PDS5B: variants seen among roughly 807,000 people sequenced by gnomAD.
PDS5B encodes the protein PDS5 cohesin associated factor B.
A neutral mutation model predicts 184.1 loss-of-function variants in PDS5B; 51 were observed. The ratio of observed to expected loss-of-function variants is 0.28; its 90% confidence interval spans 0.22 to 0.35. The LOEUF (loss-of-function observed/expected upper bound fraction) is 0.35, where lower values mean the gene tolerates loss of function less well. Among genes scored for constraint, PDS5B ranks in the 10% least tolerant of loss-of-function variants. The pLI, the probability that PDS5B is intolerant of heterozygous loss-of-function variation, is 1.00. For missense variants in PDS5B, 1,180 were observed against 1,723.3 expected (o/e 0.68, Z 5.58); for synonymous variants, 566 against 569.2 (o/e 0.99, Z 0.08).
At chr13:32,747,619 C>T (rs1953802588) in intron 24 of PDS5B, among the ~76,000 whole-genome samples, 1 of 151,696 alleles carries the variant, frequency 6.6e-6, no homozygotes, top group African/African-American at 2.4e-5. Context: ...GGGGGGAGCC[C>T]ATAACTTCCT....
chr13:32,766,203 A>G (rs1160091225), intron 31 of PDS5B, among the ~76,000 whole-genome samples: 2 of 152,172 alleles, frequency 1.3e-5, no homozygotes, highest in African/African-American at 2.4e-5. Context: ...CAACTAGGTC[A>G]CTCATACCCA....
intron 31 of PDS5B, among the ~76,000 whole-genome samples, chr13:32,767,092 C>T (rs1339982961): frequency 6.6e-6 from 1 of 152,072 alleles, no homozygotes; most frequent in African/African-American, 2.4e-5. Context: ...GTAAGGATAG[C>T]TTAATGTTAC....
chr13:32,722,482 A>G (rs1016121122), intron 19 of PDS5B, among the ~76,000 whole-genome samples: 1 of 152,220 alleles, frequency 6.6e-6, no homozygotes, highest in African/African-American at 2.4e-5. Flanking sequence ...CAGTACAGTA[A>G]CATGTAGTAC....
chr13:32,644,755 TTTTG>T (rs1369700187), intron 1 of PDS5B, among the ~76,000 whole-genome samples: 1 of 152,184 alleles, frequency 6.6e-6, no homozygotes, highest in Non-Finnish European at 1.5e-5. Context: ...CTTGTTTCGT[TTTTG>T]TTTTACAGTC....
chr13:32,605,724 A>C (rs1235861421), intron 1 of PDS5B, among the ~76,000 whole-genome samples: 1 of 152,082 alleles, frequency 6.6e-6, no homozygotes, highest in Non-Finnish European at 1.5e-5. Context: ...GTAGGTGTCT[A>C]AGGACTTGCT....
In PDS5B at chr13:32,770,762, G is replaced by C; in HGVS notation, c.4172+1G>C. ...CACCATCACAACCAAAAAAAAATGTGTAAGTTGTAAATATTACATTTCAAA... is the reference window on the plus strand; with the variant it reads ...CACCATCACAACCAAAAAAAAATGTCTAAGTTGTAAATATTACATTTCAAA... On this transcript the variant is annotated splice_donor_variant, in intron 33 of 34. Transcript: ENST00000315596. LOFTEE classifies it high-confidence loss of function. The C allele has an allele frequency of 6.3e-7, 1 of 1,590,176 alleles. No individual in the cohort carries two copies. Among genetic ancestry groups the C allele is most frequent in the Non-Finnish European group, 8.6e-7 (1 of 1,165,686 alleles).
chr13:32,740,428 G>C (rs1412410370), intron 21 of PDS5B, among the ~76,000 whole-genome samples: 5 of 152,158 alleles, frequency 3.3e-5, no homozygotes, highest in Non-Finnish European at 7.4e-5. Flanking sequence ...GTTTGAGGGA[G>C]TTTGCCTTTT....
chr13:32,712,468 T>A (rs904347796), intron 19 of PDS5B, among the ~76,000 whole-genome samples: 5 of 152,210 alleles, frequency 3.3e-5, no homozygotes, highest in African/African-American at 1.2e-4. Flanking sequence ...GGTGAGTTGA[T>A]TTTGAGGAAA....
At chr13:32,652,757 TAAAA>T (rs202075341) in intron 3 of PDS5B, among the ~76,000 whole-genome samples, 2 of 141,140 alleles carry the variant, frequency 1.4e-5, no homozygotes, top group South Asian at 2.3e-4. Context: ...CCATCTCTAT[TAAAA>T]AAAAAAAAAA....
chr13:32,702,915 A>G (rs541536266), intron 17 of PDS5B, among the ~76,000 whole-genome samples: 20 of 152,248 alleles, frequency 1.3e-4, no homozygotes, highest in Admixed American at 5.2e-4. Flanking sequence ...TTAATTGTCT[A>G]TGGCTAGTAG....
intron 23 of PDS5B, among the ~76,000 whole-genome samples, chr13:32,745,753 G>A (rs1021605458): frequency 6.6e-6 from 1 of 152,032 alleles, no homozygotes; most frequent in Non-Finnish European, 1.5e-5. Flanking sequence ...ATTCATGAGG[G>A]TTTCCCACAA....
At chr13:32,704,470 T>G (rs897446633) in intron 17 of PDS5B, among the ~76,000 whole-genome samples, 1 of 152,212 alleles carries the variant, frequency 6.6e-6, no homozygotes, top group Non-Finnish European at 1.5e-5. Flanking sequence ...TGCCCCGGCC[T>G]TGACCCAGTC....
chr13:32,761,935 C>T (rs957023186), intron 30 of PDS5B, among the ~76,000 whole-genome samples: 3 of 152,120 alleles, frequency 2.0e-5, no homozygotes, highest in Non-Finnish European at 2.9e-5. Flanking sequence ...AACATATAAG[C>T]GTTCTGTTTT....
rs771298536 is a variant in PDS5B, at chr13:32,710,112, T to C, written c.2123+6T>C. On this transcript the variant is annotated splice_donor_region_variant and intron_variant, in intron 19 of 34. Transcript: ENST00000315596. Reference sequence around the variant, plus strand: ...GATTTTCCACACATCAGATCGTGAGTTGAGTTTATTTTCAAAAATATTCTG... The same window carrying C: ...GATTTTCCACACATCAGATCGTGAGCTGAGTTTATTTTCAAAAATATTCTG... 1.4e-6 allele frequency: 2 copies of C among 1,439,316 alleles called. No homozygotes were observed. Among genetic ancestry groups the C allele is most frequent in the South Asian group, 3.4e-5 (2 of 59,480 alleles). The allele number at this position is 1,439,316 out of a possible 1,614,324, so 89.2% of individuals were successfully genotyped here. A position where few individuals can be genotyped will look rare whatever the true frequency, so the allele number is the denominator to read the frequency against.
intron 7 of PDS5B, among the ~76,000 whole-genome samples, chr13:32,668,209 C>T (rs1026211540): frequency 1.3e-5 from 2 of 152,046 alleles, no homozygotes; most frequent in Non-Finnish European, 2.9e-5. Context: ...GTTTTTGGAG[C>T]TTAAATTGAT....
chr13:32,736,861 T>C (rs1376825607), intron 21 of PDS5B, among the ~76,000 whole-genome samples: 1 of 152,134 alleles, frequency 6.6e-6, no homozygotes, highest in African/African-American at 2.4e-5. Context: ...TATCTTTGAG[T>C]TCACTCGCTT....
intron 6 of PDS5B, among the ~76,000 whole-genome samples, chr13:32,660,243 G>GGAAACAACA (rs1950608772): frequency 6.6e-6 from 1 of 152,182 alleles, no homozygotes; most frequent in Non-Finnish European, 1.5e-5. Flanking sequence ...CTGGCAAGTA[G>GGAAACAACA]ACCTGCAGAG....
At chr13:32,591,426 A>G (rs1289289719) in intron 1 of PDS5B, among the ~76,000 whole-genome samples, 1 of 152,064 alleles carries the variant, frequency 6.6e-6, no homozygotes, top group Non-Finnish European at 1.5e-5. Flanking sequence ...CTACTGTTTT[A>G]TTTTTTAACT....
At chr13:32,740,806 A>T (rs1175841954) in intron 21 of PDS5B, among the ~76,000 whole-genome samples, 1 of 152,020 alleles carries the variant, frequency 6.6e-6, no homozygotes, top group Non-Finnish European at 1.5e-5. Context: ...TAAGGGAGTG[A>T]TGTGTAAGAA....
Sources: allele counts gnomAD v4.1 joint callset (sites outside exome capture counted in the v4.1 genomes callset), GRCh38; gene constraint gnomAD v4.1.1; transcripts MANE v1.5; gene names NCBI Gene and HGNC (gene_info 2026-07-23, HGNC 2026-07-21).